RBX1: variants seen among roughly 807,000 people sequenced by gnomAD.
RBX1 encodes E3 ubiquitin-protein ligase RBX1.
For missense variants in RBX1, 46 were observed against 141.4 expected (o/e 0.33, Z 3.42); for synonymous variants, 48 against 47.9 (o/e 1.00, Z -0.01).
At chr22:40,968,849 C>CT (rs1241784007) in intron 4 of RBX1, among the ~76,000 whole-genome samples, 419 of 133,032 alleles carry the variant, frequency 3.1e-3, no homozygotes, top group Admixed American at 5.3e-3. Context: ...AGTAATTCAC[C>CT]TTTTTTTTTT....
At chr22:40,967,207 T>C (rs2058356662) in intron 3 of RBX1, 1 of 152,194 alleles carries the variant, frequency 6.6e-6, no homozygotes, top group Admixed American at 6.6e-5. Context: ...ACTGAGCTCT[T>C]GTAATATCAA....
At position 40,972,496 on chromosome 22, in the gene RBX1, CTT is replaced by C; in HGVS notation, c.*9_*10del. 2 of 1,598,700 alleles carry C rather than the reference CTT, an allele frequency of 1.3e-6. No individual in the cohort carries two copies. Among genetic ancestry groups the C allele is most frequent in the Non-Finnish European group, 1.7e-6 (2 of 1,166,188 alleles). ...TTCAGGTATGGGCACTAGGAAAAGA[CTT>C]CTTCCATCAAGCTTAATTGTTTTGT... On this transcript the variant is annotated 3_prime_UTR_variant, in exon 5 of 5. Transcript: ENST00000216225.
At chr22:40,962,086 TTATGG>T (rs2058342096) in intron 2 of RBX1, among the ~76,000 whole-genome samples, 1 of 151,404 alleles carries the variant, frequency 6.6e-6, no homozygotes, top group Non-Finnish European at 1.5e-5. Flanking sequence ...TCCCAGCCTT[TTATGG>T]TTTGTTTGTT....
At chr22:40,965,641 A>G (rs974119359) in intron 3 of RBX1, among the ~76,000 whole-genome samples, 2 of 152,030 alleles carry the variant, frequency 1.3e-5, no homozygotes, top group Admixed American at 6.6e-5. Context: ...GGGTTTCGCC[A>G]TGTTGGCCAG....
rs1044320010 is a variant in RBX1 at position 40,967,673 on chromosome 22, T to C, written c.229-126T>C. On this transcript the variant is annotated intron_variant, in intron 3 of 4. Transcript: ENST00000216225. ...TAATCAGTTGTTGAACTTTTGCCTCTCGTTGTCTTCTTTTCTTTTCTTGCC... is the reference window on the plus strand; with the variant it reads ...TAATCAGTTGTTGAACTTTTGCCTCCCGTTGTCTTCTTTTCTTTTCTTGCC... 3.4e-5 allele frequency: 22 copies of C among 646,284 alleles called. No individual in the cohort carries two copies. The African/African-American group carries it at 3.8e-4, about 11-fold the overall frequency. The allele number at this position is 646,284 out of a possible 1,614,324, so 40.0% of individuals were successfully genotyped here. A position where few individuals can be genotyped will look rare whatever the true frequency, so the allele number is the denominator to read the frequency against.
chr22:40,962,859 AT>A (rs756486745), intron 2 of RBX1, among the ~76,000 whole-genome samples: 2,299 of 122,982 alleles, frequency 0.019, 22 homozygotes, highest in Non-Finnish European at 0.025. Flanking sequence ...CGCCCAGCTA[AT>A]TTTTTTTTTT....
At chr22:40,952,181 C>A (rs565734688) in intron 1 of RBX1, among the ~76,000 whole-genome samples, 2 of 152,206 alleles carry the variant, frequency 1.3e-5, no homozygotes, top group South Asian at 4.1e-4. Context: ...AATCCGAGCC[C>A]AAATCCTGTG....
chr22:40,969,479 G>A (rs2058362660), intron 4 of RBX1, among the ~76,000 whole-genome samples: 1 of 152,162 alleles, frequency 6.6e-6, no homozygotes, highest in African/African-American at 2.4e-5. Context: ...GCTGGGCTTG[G>A]TGGCTCACAC....
chr22:40,963,988 A>G (rs963139363), intron 2 of RBX1, 59 bp from the exon 3 acceptor site: 75 of 1,299,120 alleles, frequency 5.8e-5, no homozygotes, highest in Non-Finnish European at 7.9e-5. Flanking sequence ...TTTGGCTGCT[A>G]TAGATTGAAA....
In RBX1 at chr22:40,964,033, T is replaced by C; in HGVS notation, c.158-14T>C. ...TCCCAAGGTCCAGTGATCCTGTTGCTCTTGTTCCCACAGGCATAGAATGTC... is the reference window on the plus strand; with the variant it reads ...TCCCAAGGTCCAGTGATCCTGTTGCCCTTGTTCCCACAGGCATAGAATGTC... On this transcript the variant is annotated splice_polypyrimidine_tract_variant and intron_variant, in intron 2 of 4. Coordinates refer to ENST00000216225, the MANE Select transcript of RBX1 (RefSeq NM_014248.4). 1 of 1,611,164 alleles carries C rather than the reference T, an allele frequency of 6.2e-7. No homozygotes were observed. Among genetic ancestry groups the C allele is most frequent in the Non-Finnish European group, 8.5e-7 (1 of 1,177,330 alleles).
At chr22:40,956,614 C>T (rs1247181598) in intron 2 of RBX1, among the ~76,000 whole-genome samples, 1 of 151,726 alleles carries the variant, frequency 6.6e-6, no homozygotes, top group Non-Finnish European at 1.5e-5. Context: ...GCCTCTCAAA[C>T]CGCTGGGATT....
intron 1 of RBX1, among the ~76,000 whole-genome samples, chr22:40,952,469 A>G (rs1465548705): frequency 6.6e-6 from 1 of 152,208 alleles, no homozygotes; most frequent in Non-Finnish European, 1.5e-5. Flanking sequence ...GCCAGCAGCC[A>G]TATTGAAAAA....
At chr22:40,971,408 C>T (rs1033397661) in intron 4 of RBX1, among the ~76,000 whole-genome samples, 1 of 152,140 alleles carries the variant, frequency 6.6e-6, no homozygotes. Context: ...TCCAGAGTTC[C>T]AGTGCCCTAG....
intron 2 of RBX1, among the ~76,000 whole-genome samples, chr22:40,962,343 CAT>C (rs1235718594): frequency 6.6e-6 from 1 of 152,128 alleles, no homozygotes; most frequent in Admixed American, 6.6e-5. Context: ...TTCAGCCTCT[CAT>C]AGTGCTGGCA....
At chr22:40,955,188 G>A (rs982655916) in intron 2 of RBX1, among the ~76,000 whole-genome samples, 1 of 151,204 alleles carries the variant, frequency 6.6e-6, no homozygotes, top group Non-Finnish European at 1.5e-5. Context: ...CCTTGGTTTT[G>A]TCTAACCCAG....
intron 1 of RBX1, 51 bp from the exon 2 acceptor site, chr22:40,953,504 T>C: frequency 8.6e-7 from 1 of 1,157,808 alleles, no homozygotes; most frequent in South Asian, 1.2e-5. Flanking sequence ...CTAAAGAGTA[T>C]GTGTGTGTGT....
intron 4 of RBX1, among the ~76,000 whole-genome samples, chr22:40,970,720 A>G (rs1052678649): frequency 1.3e-5 from 2 of 151,976 alleles, no homozygotes; most frequent in Non-Finnish European, 2.9e-5. Context: ...ATACGTCTTT[A>G]TTAGGCTATT....
At chr22:40,954,568 C>T (rs971191679) in intron 2 of RBX1, among the ~76,000 whole-genome samples, 5 of 152,024 alleles carry the variant, frequency 3.3e-5, no homozygotes, top group African/African-American at 1.2e-4. Context: ...GTTGAGGTTA[C>T]TTTTTCATCC....
rs542956304 is a variant in RBX1, at chr22:40,972,675, C to T, written c.*187C>T. The T allele has an allele frequency of 3.0e-5, 17 of 563,544 alleles. No homozygotes were observed. In the East Asian group the frequency reaches 5.0e-4, roughly 17 times the overall value. 34.9% of individuals were successfully genotyped at this position (563,544 alleles called of 1,614,324 possible). A position where few individuals can be genotyped will look rare whatever the true frequency, so the allele number is the denominator to read the frequency against. ...AGTTGGATTCTGGAACGGATGCTCT[C>T]TCTTGTGTATGTGAACAAAGTGAAC... On this transcript the variant is annotated 3_prime_UTR_variant, in exon 5 of 5. Coordinates refer to ENST00000216225, the MANE Select transcript of RBX1 (RefSeq NM_014248.4).
Sources: gnomAD v4.1 joint callset for allele counts (sites outside exome capture counted in the v4.1 genomes callset) on GRCh38, gnomAD v4.1.1 for gene constraint, MANE v1.5 for transcripts, NCBI Gene and HGNC (gene_info 2026-07-23, HGNC 2026-07-21) for gene names.